Variants in DNAH17 observed in about 807,000 individuals in gnomAD.
DNAH17 encodes axonemal beta dynein heavy chain 17.
A neutral mutation model predicts 485.6 loss-of-function variants in DNAH17; 376 were observed. That is an observed-to-expected ratio of 0.77 (90% CI 0.71 to 0.84). The LOEUF (loss-of-function observed/expected upper bound fraction) is 0.84. Ranked by LOEUF, DNAH17 falls within the 40% of genes least tolerant of loss-of-function variation. The pLI is 0.00. For missense variants in DNAH17, 6,370 were observed against 5,839.3 expected (o/e 1.09, Z -2.96); for synonymous variants, 3,031 against 2,405.9 (o/e 1.26, Z -7.60).
At chr17:78,556,556 G>A (rs2092027653) in intron 14 of DNAH17, among the ~76,000 whole-genome samples, 1 of 152,160 alleles carries the variant, frequency 6.6e-6, no homozygotes, top group South Asian at 2.1e-4. Flanking sequence ...GTGGCTTGGG[G>A]TGGGGTCAAA....
At chr17:78,501,685 C>T (rs528798314) in intron 34 of DNAH17, 57 bp downstream of exon 34, 6 of 1,593,386 alleles carry the variant, frequency 3.8e-6, no homozygotes, top group Admixed American at 3.4e-5. Flanking sequence ...AATGCACTGC[C>T]CTGAACCCGG....
chr17:78,507,561 C>T lies in DNAH17; in HGVS notation c.4481G>A (p.Arg1494Gln), dbSNP rs760905784. The change falls in exon 28 of 81, where the codon CGA (arginine) becomes CAA (glutamine). Residue 1494 changes from arginine to glutamine, a missense_variant. By Grantham distance (43) the Arg-to-Gln change is conservative. Transcript: ENST00000389840. ...SVISIWFEVQRTWSHLESIFI... is the reference protein window; with the variant it reads ...SVISIWFEVQQTWSHLESIFI... ...GATGCTCTCCAGGTGGCTCCAGGTT[C>T]GCTGGACCTCAAACCAGATGGAGAT... The T allele has an allele frequency of 2.0e-5, 32 of 1,613,930 alleles. No individual in the cohort carries two copies. Among genetic ancestry groups the T allele is most frequent in the South Asian group, 1.2e-4 (11 of 91,088 alleles).
At chr17:78,436,751 A>T (rs761914825) in intron 74 of DNAH17, among the ~76,000 whole-genome samples, 2 of 152,066 alleles carry the variant, frequency 1.3e-5, no homozygotes, top group Non-Finnish European at 2.9e-5. Flanking sequence ...AGTCTGAGGC[A>T]CAAGAATTGC....
At chr17:78,521,253 A>C (rs1316745310) in intron 25 of DNAH17, among the ~76,000 whole-genome samples, 1 of 152,104 alleles carries the variant, frequency 6.6e-6, no homozygotes, top group Non-Finnish European at 1.5e-5. Flanking sequence ...TGAAAATACA[A>C]AAATTAGCTG....
rs115820305 is a variant in DNAH17 at position 78,487,983 on chromosome 17, G to C, written c.6819-1477C>G. ...TTTCTATGTCCCTAAGCGAATCAGG[G>C]TGTCTCCATGCCTGTCGCAACTAAG... On this transcript the variant is annotated intron_variant, in intron 44 of 80. Transcript: ENST00000389840. 4.4e-3 allele frequency among the ~76,000 whole-genome samples: 666 copies of C among 152,332 alleles called. 7 individuals carry two copies. The highest frequency in any genetic ancestry group is 0.015 in the African/African-American group (608 of 41,560).
At chr17:78,554,807 C>T (rs180786870) in intron 14 of DNAH17, among the ~76,000 whole-genome samples, 230 of 152,294 alleles carry the variant, frequency 1.5e-3, no homozygotes, top group African/African-American at 4.7e-3. Context: ...AGTGCAGTGG[C>T]GTGATCTTGG....
In DNAH17 at chr17:78,479,655, T is replaced by G. The variant is rs777733381; in HGVS notation, c.7753-23A>C. 1.5e-4 allele frequency: 248 copies of G among 1,610,488 alleles called. No homozygotes were observed. In the Middle Eastern group the frequency reaches 1.7e-3, roughly 11 times the overall value. On this transcript the variant is annotated intron_variant, in intron 49 of 80. Transcript: ENST00000389840. ...GCGCTACCCCAAAACAACCAAACAC[T>G]CCAGTCAGCCAGCTCTTGGGGACCT...
At chr17:78,506,244 C>A (rs1023593704) in intron 30 of DNAH17, among the ~76,000 whole-genome samples, 5 of 149,112 alleles carry the variant, frequency 3.4e-5, no homozygotes, top group African/African-American at 1.2e-4. Flanking sequence ...CGGGTTCAAG[C>A]AATTATCATG....
chr17:78,482,377 G>A (rs1395595237), intron 48 of DNAH17, among the ~76,000 whole-genome samples: 2 of 152,156 alleles, frequency 1.3e-5, no homozygotes, highest in Admixed American at 6.5e-5. Flanking sequence ...GTTGACGTCT[G>A]TTAGTTTCTA....
intron 29 of DNAH17, 28 bp from the exon 30 acceptor site, chr17:78,506,874 G>C: frequency 6.2e-7 from 1 of 1,613,528 alleles, no homozygotes; most frequent in African/African-American, 1.3e-5. Flanking sequence ...AGTAGAGGAG[G>C]CCGGTGACCC....
Position 78,560,735 on chromosome 17 carries a change from C to T in DNAH17, c.2031+5G>A. 6 of 1,547,212 alleles carry T rather than the reference C, an allele frequency of 3.9e-6. No homozygotes were observed. Among genetic ancestry groups the T allele is most frequent in the Non-Finnish European group, 5.2e-6 (6 of 1,144,128 alleles). On this transcript the variant is annotated splice_donor_5th_base_variant and intron_variant, in intron 13 of 80. Transcript: ENST00000389840. ...TTTGACGCGGTCCCCACTCCTGGCA[C>T]CCACCGCTTTGCTGAAGTTGACGTG...
intron 72 of DNAH17, among the ~76,000 whole-genome samples, chr17:78,440,360 G>C (rs1411921254): frequency 7.2e-6 from 1 of 139,020 alleles, no homozygotes; most frequent in Non-Finnish European, 1.5e-5. Context: ...GGGCTCAAGT[G>C]ATCCTCCCAC....
chr17:78,439,016 G>C (rs540068220), intron 73 of DNAH17, 74 bp downstream of exon 73: 29 of 1,542,266 alleles, frequency 1.9e-5, no homozygotes, highest in Non-Finnish European at 2.5e-5. Context: ...GCTTCCTTCC[G>C]GGCCTTCTGG....
chr17:78,486,937 ACAT>A (rs1350992949), intron 44 of DNAH17, among the ~76,000 whole-genome samples: 1 of 151,010 alleles, frequency 6.6e-6, no homozygotes, highest in African/African-American at 2.4e-5. Flanking sequence ...ACATTTCATT[ACAT>A]CATCTGGACT....
chr17:78,525,159 T>A lies in DNAH17; in HGVS notation c.3714A>T (p.Gln1238His). 1 of 1,612,454 alleles carries A rather than the reference T, an allele frequency of 6.2e-7. No individual in the cohort carries two copies. The highest frequency in any genetic ancestry group is 8.5e-7 in the Non-Finnish European group (1 of 1,179,252). ...DPNPYKSLNKQQKSISAMEGI... is the reference protein window; with the variant it reads ...DPNPYKSLNKHQKSISAMEGI... ...CTTCCATGGCGGAGATGCTCTTTTGTTGCTAGGGGCGGCGAGGGGGCCGTC... is the reference window on the plus strand; with the variant it reads ...CTTCCATGGCGGAGATGCTCTTTTGATGCTAGGGGCGGCGAGGGGGCCGTC... Residue 1238 changes from glutamine (Q) to histidine (H), a missense_variant and splice_region_variant, in exon 25 of 81, where the codon CAA becomes CAT. Gln to His is a conservative substitution (Grantham distance 24). Transcript: ENST00000389840.
At chr17:78,445,524 G>A (rs372896967) in intron 70 of DNAH17, 34 bp downstream of exon 70, 1 of 1,553,058 alleles carries the variant, frequency 6.4e-7, no homozygotes, top group African/African-American at 1.4e-5. Flanking sequence ...ACGGCGGGGA[G>A]AAAGCACAAC....
At position 78,428,924 on chromosome 17, in the gene DNAH17, T is replaced by TAAA. The variant is rs11409298; in HGVS notation, c.12405+194_12405+196dup. 0.14 allele frequency among the ~76,000 whole-genome samples: 14,078 copies of TAAA among 102,576 alleles called. 1,178 individuals are homozygous for TAAA. The highest frequency in any genetic ancestry group is 0.19 in the Non-Finnish European group (10,219 of 53,418). 67.3% of individuals were successfully genotyped at this position (102,576 alleles called of 152,430 possible). On this transcript the variant is annotated intron_variant, in intron 76 of 80. Coordinates refer to ENST00000389840, the MANE Select transcript of DNAH17 (RefSeq NM_173628.4). ...TTCCCTGAGGCTGCATTTCTTTCTT[T>TAAA]AAAAAAAAAAAAAAAAAAAAAAGGT...
At chr17:78,531,687 C>T (rs1052891265) in intron 20 of DNAH17, among the ~76,000 whole-genome samples, 1 of 152,180 alleles carries the variant, frequency 6.6e-6, no homozygotes, top group Non-Finnish European at 1.5e-5. Flanking sequence ...CCTACTTGTT[C>T]TTGGTTTCTG....
intron 73 of DNAH17, among the ~76,000 whole-genome samples, chr17:78,438,565 T>C (rs1293375730): frequency 2.0e-5 from 3 of 148,698 alleles, no homozygotes; most frequent in Admixed American, 1.3e-4. Flanking sequence ...TGGTGCACTC[T>C]TGGCTCACTG....
Sources: gnomAD v4.1 joint callset for allele counts (sites outside exome capture counted in the v4.1 genomes callset) on GRCh38, gnomAD v4.1.1 for gene constraint, MANE v1.5 for transcripts, NCBI Gene and HGNC (gene_info 2026-07-23, HGNC 2026-07-21) for gene names.